OR1J2: variants seen among roughly 807,000 people sequenced by gnomAD.
OR1J2 encodes olfactory receptor family 1 subfamily J member 2, also known as olfactory receptor 1J2.
For missense variants in OR1J2, 304 were observed against 246.1 expected (o/e 1.24, Z -1.57); for synonymous variants, 142 against 99.7 (o/e 1.42, Z -2.52).
At chr9:122,448,527 A>T in the OR1J2 span, among the ~76,000 whole-genome samples, 4 of 151,900 alleles carry the variant, frequency 2.6e-5, no homozygotes, top group African/African-American at 9.7e-5. Context: ...AGGCTGGGGG[A>T]TGGTTAGGTC....
upstream of OR1J2, chr9:122,510,778 A>C: frequency 1.6e-6 from 2 of 1,278,130 alleles, no homozygotes; most frequent in Non-Finnish European, 2.2e-6. Flanking sequence ...AGCATTCTTC[A>C]TCTCCATCAG....
chr9:122,462,687 T>C, the OR1J2 span, among the ~76,000 whole-genome samples: 1 of 152,220 alleles, frequency 6.6e-6, no homozygotes, highest in Non-Finnish European at 1.5e-5. Flanking sequence ...TGAATCTTAG[T>C]TTCACTGGAT....
the OR1J2 span, among the ~76,000 whole-genome samples, chr9:122,480,985 G>A: frequency 2.6e-5 from 4 of 151,932 alleles, no homozygotes; most frequent in African/African-American, 9.7e-5. Flanking sequence ...TAATAGAGAC[G>A]GGGTTTCACC....
At chr9:122,458,632 C>G in the OR1J2 span, among the ~76,000 whole-genome samples, 1 of 151,890 alleles carries the variant, frequency 6.6e-6, no homozygotes, top group Non-Finnish European at 1.5e-5. Flanking sequence ...TTCACTATCA[C>G]GAGAACAGCA....
At chr9:122,536,154 A>C in the OR1J2 span, among the ~76,000 whole-genome samples, 1 of 152,204 alleles carries the variant, frequency 6.6e-6, no homozygotes, top group Non-Finnish European at 1.5e-5. Flanking sequence ...TGACAGTATT[A>C]GTATTGATTT....
At chr9:122,473,060 A>G in the OR1J2 span, among the ~76,000 whole-genome samples, 1 of 152,112 alleles carries the variant, frequency 6.6e-6, no homozygotes, top group African/African-American at 2.4e-5. Flanking sequence ...TTCTTACTTT[A>G]TCTTATCCAT....
the OR1J2 span, among the ~76,000 whole-genome samples, chr9:122,552,608 T>C: frequency 6.6e-6 from 1 of 152,028 alleles, no homozygotes; most frequent in Non-Finnish European, 1.5e-5. Context: ...TGCCCTCAGC[T>C]CACATATCCT....
the OR1J2 span, among the ~76,000 whole-genome samples, chr9:122,480,505 C>CT: frequency 6.7e-6 from 1 of 149,430 alleles, no homozygotes; most frequent in African/African-American, 2.4e-5. Context: ...CGTAGGTAAA[C>CT]TTGTGTCATG....
chr9:122,567,930 C>G, the OR1J2 span: 2 of 1,614,098 alleles, frequency 1.2e-6, no homozygotes, highest in Non-Finnish European at 1.7e-6. Context: ...CAGCACAGGG[C>G]TGAGGTCACA....
At chr9:122,547,747 A>G in the OR1J2 span, among the ~76,000 whole-genome samples, 2 of 152,106 alleles carry the variant, frequency 1.3e-5, no homozygotes, top group Admixed American at 6.6e-5. Flanking sequence ...TAGTGCTACA[A>G]TAAACATACA....
the OR1J2 span, among the ~76,000 whole-genome samples, chr9:122,470,000 G>C: frequency 1.3e-5 from 2 of 152,260 alleles, no homozygotes; most frequent in African/African-American, 4.8e-5. Flanking sequence ...TAAAAGTTTG[G>C]AAAAATTTGC....
chr9:122,460,309 C>T, the OR1J2 span, among the ~76,000 whole-genome samples: 6 of 152,080 alleles, frequency 3.9e-5, no homozygotes, highest in African/African-American at 1.4e-4. Context: ...AGATGAGGAT[C>T]TAGCTTCATT....
the OR1J2 span, among the ~76,000 whole-genome samples, chr9:122,528,924 T>C: frequency 1.3e-5 from 2 of 152,228 alleles, no homozygotes; most frequent in Non-Finnish European, 2.9e-5. Flanking sequence ...ATTTTTAGAA[T>C]TCTTTGTCAT....
At chr9:122,497,101 A>G in the OR1J2 span, among the ~76,000 whole-genome samples, 16 of 152,180 alleles carry the variant, frequency 1.1e-4, no homozygotes, top group Non-Finnish European at 2.2e-4. Context: ...GACCAGGGCT[A>G]AGAACTTTCC....
At chr9:122,508,351 A>G (rs542341383), upstream of OR1J2, among the ~76,000 whole-genome samples, 20 of 152,290 alleles carry the variant, frequency 1.3e-4, no homozygotes, top group South Asian at 4.1e-3. Flanking sequence ...ATATATAGCT[A>G]GATTTAAAAA....
the OR1J2 span, chr9:122,568,597 T>TA: frequency 7.8e-6 from 5 of 637,118 alleles, no homozygotes; most frequent in Non-Finnish European, 1.3e-5. Flanking sequence ...TTAGCTACTG[T>TA]GCTAATTGTG....
At chr9:122,451,504 C>T in the OR1J2 span, among the ~76,000 whole-genome samples, 1 of 152,056 alleles carries the variant, frequency 6.6e-6, no homozygotes, top group Non-Finnish European at 1.5e-5. Flanking sequence ...TTTTTACAGG[C>T]TTCAACAGAG....
At chr9:122,462,773 T>C in the OR1J2 span, among the ~76,000 whole-genome samples, 12,659 of 152,258 alleles carry the variant, frequency 0.083, 753 homozygotes, top group Admixed American at 0.15. Context: ...GCTTGTAGGG[T>C]TTCTTCTGAG....
the OR1J2 span, chr9:122,477,571 G>A: frequency 1.2e-6 from 2 of 1,614,062 alleles, no homozygotes; most frequent in South Asian, 1.1e-5. Context: ...CCTGTCATAT[G>A]CCATTGAAGT....
Sources: allele counts gnomAD v4.1 joint callset (sites outside exome capture counted in the v4.1 genomes callset), GRCh38; gene constraint gnomAD v4.1.1; transcripts MANE v1.5; gene names NCBI Gene and HGNC (gene_info 2026-07-23, HGNC 2026-07-21).